Variants in FHIP1A observed in about 807,000 individuals in gnomAD.
FHIP1A encodes FHF complex subunit HOOK interacting protein 1A.
Under a neutral mutation model 88.6 loss-of-function variants are expected in FHIP1A, and 61 were observed. That is an observed-to-expected ratio of 0.69 (90% CI 0.56 to 0.85). The LOEUF is 0.85. Among genes scored for constraint, FHIP1A ranks in the 40% least tolerant of loss-of-function variants. The probability of loss-of-function intolerance (pLI) is 0.00; values close to 1 mark genes in which losing one functional copy is unlikely to be tolerated. For missense variants in FHIP1A, 1,154 were observed against 1,273.5 expected (o/e 0.91, Z 1.43); for synonymous variants, 478 against 496.0 (o/e 0.96, Z 0.48).
At chr4:151,556,812 A>G (rs1732963657) in intron 3 of FHIP1A, among the ~76,000 whole-genome samples, 1 of 152,196 alleles carries the variant, frequency 6.6e-6, no homozygotes, top group South Asian at 2.1e-4. Context: ...AGCCGCTCTC[A>G]TAGTGTGGGT....
At chr4:151,511,476 G>T (rs1731026676) in intron 3 of FHIP1A, among the ~76,000 whole-genome samples, 1 of 152,234 alleles carries the variant, frequency 6.6e-6, no homozygotes, top group African/African-American at 2.4e-5. Context: ...CCGAAGCAGG[G>T]CAAGGCACTG....
At chr4:151,543,817 G>C (rs1179353987) in intron 3 of FHIP1A, among the ~76,000 whole-genome samples, 1 of 152,090 alleles carries the variant, frequency 6.6e-6, no homozygotes, top group Admixed American at 6.5e-5. Context: ...TTTATAACTA[G>C]AAACATTTCT....
chr4:151,548,113 TC>T (rs1295269313), intron 3 of FHIP1A, among the ~76,000 whole-genome samples: 10 of 151,970 alleles, frequency 6.6e-5, no homozygotes, highest in Non-Finnish European at 1.2e-4. Context: ...TGAATCTGGG[TC>T]TCCATGACTA....
chr4:151,461,429 G>A (rs912650198), intron 2 of FHIP1A, among the ~76,000 whole-genome samples: 1 of 152,068 alleles, frequency 6.6e-6, no homozygotes, highest in Admixed American at 6.6e-5. Flanking sequence ...ACAATACCAT[G>A]GTAGGATGAT....
chr4:151,450,608 C>T (rs1728755080), intron 1 of FHIP1A, among the ~76,000 whole-genome samples: 1 of 151,996 alleles, frequency 6.6e-6, no homozygotes, highest in African/African-American at 2.4e-5. Flanking sequence ...CTGAGTAATA[C>T]CACTGTTAGG....
rs1265758870 is a variant in FHIP1A, at chr4:151,656,419, G to A, written c.2730+9G>A. On this transcript the variant is annotated intron_variant, in intron 12 of 13. Transcript: ENST00000435205. This position sits in a 1 kb window ranked among gnomAD's most constrained non-coding sequence, Gnocchi z 4.2. ...TCCGCTCTCTCTATCAGGTATGTTA[G>A]CTGAACCCACATCCACACCTGTTGA... The A allele has an allele frequency of 1.9e-6, 3 of 1,551,014 alleles. No homozygotes were observed. The highest frequency in any genetic ancestry group is 1.2e-5 in the South Asian group (1 of 84,038).
At chr4:151,467,768 G>C (rs891317536) in intron 2 of FHIP1A, among the ~76,000 whole-genome samples, 2 of 152,054 alleles carry the variant, frequency 1.3e-5, no homozygotes, top group Non-Finnish European at 2.9e-5. Flanking sequence ...TTATAATTGG[G>C]TGTTGAACAA....
intron 1 of FHIP1A, among the ~76,000 whole-genome samples, chr4:151,418,288 G>C (rs1732975382): frequency 6.6e-6 from 1 of 151,576 alleles, no homozygotes; most frequent in African/African-American, 2.4e-5. Context: ...TAAACTTAAT[G>C]GTTAATGTTA....
intron 3 of FHIP1A, among the ~76,000 whole-genome samples, chr4:151,556,490 T>C (rs1732951221): frequency 6.6e-6 from 1 of 152,324 alleles, no homozygotes; most frequent in East Asian, 1.9e-4. Context: ...ACTTGAGTTG[T>C]CTCTTGGATG....
At chr4:151,501,238 A>G (rs1730639300) in intron 3 of FHIP1A, among the ~76,000 whole-genome samples, 1 of 152,212 alleles carries the variant, frequency 6.6e-6, no homozygotes, top group Admixed American at 6.5e-5. Flanking sequence ...TTCACAAACA[A>G]GTATTTGCTT....
At chr4:151,549,776 T>C (rs1732652215) in intron 3 of FHIP1A, among the ~76,000 whole-genome samples, 2 of 152,138 alleles carry the variant, frequency 1.3e-5, no homozygotes, top group African/African-American at 4.8e-5. Context: ...AGCCCTCTCT[T>C]GGGATCTGGA....
intron 2 of FHIP1A, among the ~76,000 whole-genome samples, chr4:151,458,458 G>T (rs556020834): frequency 6.6e-6 from 1 of 152,230 alleles, no homozygotes; most frequent in African/African-American, 2.4e-5. Context: ...GATTTCTTTG[G>T]TAGAGGGTAA....
At chr4:151,627,472 A>G (rs1350750252) in intron 7 of FHIP1A, among the ~76,000 whole-genome samples, 1 of 152,218 alleles carries the variant, frequency 6.6e-6, no homozygotes, top group East Asian at 1.9e-4. Flanking sequence ...TCTGTATAAC[A>G]TGTCAGTTCA....
chr4:151,518,767 C>G (rs1731347319), intron 3 of FHIP1A, among the ~76,000 whole-genome samples: 1 of 151,442 alleles, frequency 6.6e-6, no homozygotes, highest in African/African-American at 2.4e-5. Context: ...TCAAGTGATC[C>G]TCATACCTTA....
intron 3 of FHIP1A, among the ~76,000 whole-genome samples, chr4:151,504,771 G>T (rs570335528): frequency 6.6e-6 from 1 of 152,170 alleles, no homozygotes; most frequent in African/African-American, 2.4e-5. Flanking sequence ...ACAGGCATGT[G>T]TCACCATGCC....
chr4:151,526,877 TC>T (rs1393503621), intron 3 of FHIP1A, among the ~76,000 whole-genome samples: 1 of 147,414 alleles, frequency 6.8e-6, no homozygotes, highest in Non-Finnish European at 1.5e-5. Flanking sequence ...GCTCCTCACA[TC>T]CCGGACGGGG....
At chr4:151,513,470 A>G (rs1731111317) in intron 3 of FHIP1A, among the ~76,000 whole-genome samples, 2 of 152,234 alleles carry the variant, frequency 1.3e-5, no homozygotes, top group South Asian at 4.1e-4. Flanking sequence ...TTTAAATGTA[A>G]ATGGACTAAA....
intron 3 of FHIP1A, among the ~76,000 whole-genome samples, chr4:151,558,626 G>T (rs772326229): frequency 6.6e-5 from 10 of 152,222 alleles, no homozygotes; most frequent in African/African-American, 9.6e-5. Flanking sequence ...TAAGCTGAGT[G>T]CAGGAAGCTT....
chr4:151,575,768 C>T (rs1733764353), intron 4 of FHIP1A, among the ~76,000 whole-genome samples: 1 of 152,090 alleles, frequency 6.6e-6, no homozygotes, highest in Non-Finnish European at 1.5e-5. Flanking sequence ...TTCCCTGTTT[C>T]TGACAAGGGA....
Sources: allele counts gnomAD v4.1 joint callset (sites outside exome capture counted in the v4.1 genomes callset), GRCh38; gene constraint gnomAD v4.1.1; non-coding constraint Gnocchi (gnomAD v3.1); transcripts MANE v1.5; gene names NCBI Gene and HGNC (gene_info 2026-07-23, HGNC 2026-07-21).